Variants in PDE9A observed in about 807,000 individuals in gnomAD.
The protein encoded by PDE9A is phosphodiesterase 9A, also known as high affinity cGMP-specific 3',5'-cyclic phosphodiesterase 9A.
A neutral mutation model predicts 87.4 loss-of-function variants in PDE9A; 60 were observed. The ratio of observed to expected loss-of-function variants is 0.69; its 90% confidence interval spans 0.56 to 0.85. The LOEUF is 0.85. PDE9A is among the 40% of genes least tolerant of loss of function. The pLI is 0.00. For missense variants in PDE9A, 665 were observed against 779.0 expected (o/e 0.85, Z 1.74); for synonymous variants, 272 against 279.4 (o/e 0.97, Z 0.27).
At chr21:42,670,196 C>G (rs553492716) in intron 1 of PDE9A, among the ~76,000 whole-genome samples, 7 of 148,008 alleles carry the variant, frequency 4.7e-5, no homozygotes, top group African/African-American at 1.8e-4. Flanking sequence ...TACACACATT[C>G]ACACACATAC....
intron 1 of PDE9A, among the ~76,000 whole-genome samples, chr21:42,674,601 G>A (rs1183903607): frequency 6.6e-6 from 1 of 152,130 alleles, no homozygotes; most frequent in Non-Finnish European, 1.5e-5. Flanking sequence ...TTCCCAGGAG[G>A]GGCCCCGCCT....
rs1389655185 is a variant in PDE9A at position 42,759,655 on chromosome 21, G to A, written c.897+570G>A. ...TAGGAGTGTGGAGGTGTGTCTGTGTGTGTCAGTGTGGATGTGTGCATGTGT... is the reference window on the plus strand; with the variant it reads ...TAGGAGTGTGGAGGTGTGTCTGTGTATGTCAGTGTGGATGTGTGCATGTGT... On this transcript the variant is annotated intron_variant, in intron 11 of 19. Coordinates refer to ENST00000291539, the MANE Select transcript of PDE9A (RefSeq NM_002606.3). This position sits in a 1 kb window ranked among gnomAD's most constrained non-coding sequence, Gnocchi z 7.2. Among the ~76,000 whole-genome samples the A allele has an allele frequency of 6.6e-6, 1 of 151,186 alleles. No homozygotes were observed. The highest frequency in any genetic ancestry group is 6.6e-5 in the Admixed American group (1 of 15,186).
Position 42,688,425 on chromosome 21 carries a change from T to C in PDE9A, c.218+431T>C, listed in dbSNP as rs147201524. Among the ~76,000 whole-genome samples the C allele has an allele frequency of 1.8e-3, 271 of 152,198 alleles. 2 individuals are homozygous for C. Among genetic ancestry groups the C allele is most frequent in the African/African-American group, 6.2e-3 (257 of 41,530 alleles). On this transcript the variant is annotated intron_variant, in intron 3 of 19. Coordinates refer to ENST00000291539, the MANE Select transcript of PDE9A (RefSeq NM_002606.3). ...TCATAAAGTGATGCCTGTGGGAGAT[T>C]CTAAGCACAGAAGGGCCAGGGACAA...
At chr21:42,770,394 G>A (rs1194810006) in intron 17 of PDE9A, among the ~76,000 whole-genome samples, 1 of 152,180 alleles carries the variant, frequency 6.6e-6, no homozygotes, top group African/African-American at 2.4e-5. Context: ...CCTCAGCCGG[G>A]AGGCTGTCAG....
intron 14 of PDE9A, among the ~76,000 whole-genome samples, chr21:42,764,615 G>C (rs930270639): frequency 6.6e-6 from 1 of 152,248 alleles, no homozygotes; most frequent in African/African-American, 2.4e-5. Context: ...GATCGTTCTC[G>C]TGCCCATCCA....
intron 1 of PDE9A, among the ~76,000 whole-genome samples, chr21:42,665,013 G>A (rs2057869447): frequency 6.6e-6 from 1 of 152,258 alleles, no homozygotes; most frequent in African/African-American, 2.4e-5. Context: ...ATACTGCATT[G>A]GGATGGGCCT....
intron 1 of PDE9A, among the ~76,000 whole-genome samples, chr21:42,669,498 G>A (rs1490783055): frequency 6.6e-6 from 1 of 152,198 alleles, no homozygotes; most frequent in Non-Finnish European, 1.5e-5. Context: ...GAAGGTTCCT[G>A]TGTGCGGGGC....
At chr21:42,665,609 C>T (rs1342001737) in intron 1 of PDE9A, among the ~76,000 whole-genome samples, 2 of 152,306 alleles carry the variant, frequency 1.3e-5, no homozygotes, top group East Asian at 1.9e-4. Flanking sequence ...CAGCTCCCGG[C>T]CTTCCCTGCC....
Position 42,686,245 on chromosome 21 carries a change from C to T in PDE9A, c.123C>T (p.Ile41=), listed in dbSNP as rs755372613. ...GCGACATCATGGACCTGTTCTGCAT[C>T]GCCACCGGCCTGCCTCGGTGAGTGC... ...NSSDIMDLFC[I]ATGLPRNTTI... The change falls in exon 2 of 20, where the codon ATC becomes ATT. Residue 41 remains isoleucine (I), a synonymous_variant. Coordinates refer to ENST00000291539, the MANE Select transcript of PDE9A (RefSeq NM_002606.3). 2 of 1,613,404 alleles carry T rather than the reference C, an allele frequency of 1.2e-6. No individual in the cohort carries two copies. Among genetic ancestry groups the T allele is most frequent in the South Asian group, 1.1e-5 (1 of 91,068 alleles).
chr21:42,761,380 G>A lies in PDE9A; in HGVS notation c.1085+473G>A, dbSNP rs188038416. 6.5e-4 allele frequency among the ~76,000 whole-genome samples: 99 copies of A among 152,372 alleles called. 1 individual carries two copies. Among genetic ancestry groups the A allele is most frequent in the Non-Finnish European group, 1.2e-3 (85 of 68,034 alleles). ...GAAGAGGGACTGCAGAGGGACAGGA[G>A]GTGGGAGTGAGGTGTCCCTCGTGGG... On this transcript the variant is annotated intron_variant, in intron 13 of 19. Coordinates refer to ENST00000291539, the MANE Select transcript of PDE9A (RefSeq NM_002606.3).
At chr21:42,762,032 G>C (rs1375877918) in intron 13 of PDE9A, 51 bp from the exon 14 acceptor site, 1 of 1,574,950 alleles carries the variant, frequency 6.3e-7, no homozygotes, top group Non-Finnish European at 8.7e-7. Flanking sequence ...CCCCGTGCAG[G>C]TACCTGGTGA....
intron 17 of PDE9A, 111 bp downstream of exon 17, chr21:42,769,266 C>T (rs34742413): frequency 0.17 from 166,912 of 967,662 alleles, 17,273 homozygotes; most frequent in Non-Finnish European, 0.22. Context: ...GACACACACT[C>T]ATGCACACAC....
In PDE9A at chr21:42,659,990, C is replaced by T. The variant is rs1048885862; in HGVS notation, c.69+6107C>T. Among the ~76,000 whole-genome samples, 13 of 152,194 alleles carry T rather than the reference C, an allele frequency of 8.5e-5. No homozygotes were observed. Among genetic ancestry groups the T allele is most frequent in the Non-Finnish European group, 1.2e-4 (8 of 68,018 alleles). ...TCTCAGTGCAGCAACTGGGACACCT[C>T]GGGGCATAAGCCGGGCAGGGAGGCG... On this transcript the variant is annotated intron_variant, in intron 1 of 19. Coordinates refer to ENST00000291539, the MANE Select transcript of PDE9A (RefSeq NM_002606.3). This position sits in a 1 kb window ranked among gnomAD's most constrained non-coding sequence, Gnocchi z 4.1.
At chr21:42,751,420 A>G (rs941650941) in intron 9 of PDE9A, among the ~76,000 whole-genome samples, 8 of 152,272 alleles carry the variant, frequency 5.3e-5, no homozygotes, top group African/African-American at 1.9e-4. Context: ...CTGCAAGGAC[A>G]TAACAGCTCC....
intron 1 of PDE9A, among the ~76,000 whole-genome samples, chr21:42,661,328 C>CT (rs538086640): frequency 0.091 from 12,975 of 142,150 alleles, 1,481 homozygotes; most frequent in African/African-American, 0.27. Flanking sequence ...CACGCCCAGC[C>CT]TTTTTTTTTT....
Position 42,722,541 on chromosome 21 carries a change from G to A in PDE9A, c.263-9229G>A, listed in dbSNP as rs1276954740. On this transcript the variant is annotated intron_variant, in intron 4 of 19. Transcript: ENST00000291539. The surrounding 1 kb of genome is among the most constrained non-coding windows in gnomAD (Gnocchi z 4.1). ...TTATTCCCTCTACTCTTGCAGGTCGGTGCTTGGGATGCTAGTGCCCAAGCT... is the reference window on the plus strand; with the variant it reads ...TTATTCCCTCTACTCTTGCAGGTCGATGCTTGGGATGCTAGTGCCCAAGCT... Among the ~76,000 whole-genome samples the A allele has an allele frequency of 6.6e-6, 1 of 152,168 alleles. No individual in the cohort carries two copies. Among genetic ancestry groups the A allele is most frequent in the African/African-American group, 2.4e-5 (1 of 41,434 alleles).
rs1327133595 is a variant in PDE9A, at chr21:42,751,113, T to C, written c.654-3T>C. 2 of 1,598,280 alleles carry C rather than the reference T, an allele frequency of 1.3e-6. No homozygotes were observed. Among genetic ancestry groups the C allele is most frequent in the Middle Eastern group, 1.7e-4 (1 of 6,044 alleles). ...ACAGCTCATCTCTGCTCCTTCTCTC[T>C]AGGACCAACTGCCCCTGTAAGTACA... On this transcript the variant is annotated splice_polypyrimidine_tract_variant and splice_region_variant and intron_variant, in intron 8 of 19. Coordinates refer to ENST00000291539, the MANE Select transcript of PDE9A (RefSeq NM_002606.3).
At chr21:42,762,444 C>T (rs2269170) in intron 14 of PDE9A, among the ~76,000 whole-genome samples, 74,472 of 152,162 alleles carry the variant, frequency 0.49, 19,873 homozygotes, top group African/African-American at 0.72. Flanking sequence ...TGCGCACGTG[C>T]ATCCCACTGA....
intron 4 of PDE9A, chr21:42,700,912 C>T (rs2048335068): frequency 6.6e-6 from 1 of 152,162 alleles, no homozygotes; most frequent in Non-Finnish European, 1.5e-5. Flanking sequence ...TAAGTTATCT[C>T]TGGTTTCTTT....
Sources: gnomAD v4.1 joint callset for allele counts (sites outside exome capture counted in the v4.1 genomes callset) on GRCh38, gnomAD v4.1.1 for gene constraint, Gnocchi (gnomAD v3.1) non-coding constraint, MANE v1.5 for transcripts, NCBI Gene and HGNC (gene_info 2026-07-23, HGNC 2026-07-21) for gene names.